ADGRF5: variants seen among roughly 807,000 people sequenced by gnomAD.
The protein encoded by ADGRF5 is G-protein coupled receptor 116.
Under a neutral mutation model 132.3 loss-of-function variants are expected in ADGRF5, and 75 were observed. That is an observed-to-expected ratio of 0.57 (90% CI 0.47 to 0.69). ADGRF5 has a LOEUF of 0.69. Among genes scored for constraint, ADGRF5 ranks in the 30% least tolerant of loss-of-function variants. ADGRF5 has a pLI of 0.00. For synonymous variants in ADGRF5, 629 were observed against 597.6 expected (o/e 1.05, Z -0.77); for missense variants, 1,516 against 1,630.6 (o/e 0.93, Z 1.21).
intron 1 of ADGRF5, among the ~76,000 whole-genome samples, chr6:46,912,863 C>T (rs1012844556): frequency 6.6e-6 from 1 of 152,094 alleles, no homozygotes; most frequent in African/African-American, 2.4e-5. Flanking sequence ...AAAAAAAATG[C>T]AAGTTAGCTC....
chr6:46,936,009 T>G (rs1202833013), intron 1 of ADGRF5, among the ~76,000 whole-genome samples: 1 of 152,236 alleles, frequency 6.6e-6, no homozygotes. Context: ...GCAGAGCAAC[T>G]GCAGCAGTTT....
At chr6:46,889,963 C>T (rs1215092415) in intron 3 of ADGRF5, among the ~76,000 whole-genome samples, 1 of 151,934 alleles carries the variant, frequency 6.6e-6, no homozygotes, top group African/African-American at 2.4e-5. Flanking sequence ...CTTGTTAAAC[C>T]TGAAACTCTC....
Position 46,866,939 on chromosome 6 carries a change from G to A in ADGRF5, c.1820C>T (p.Ser607Leu). 1 of 1,603,328 alleles carries A rather than the reference G, an allele frequency of 6.2e-7. No homozygotes were observed. Among genetic ancestry groups the A allele is most frequent in the Non-Finnish European group, 8.5e-7 (1 of 1,170,090 alleles). ...DYKVTFHTGS[S>L]SLPAAKEVNK... ...CAGCATCTTACCAGCAGGAAGGGAT[G>A]AGGAACCCGTATGGAAAGTAACTTT... Residue 607 changes from serine to leucine, a missense_variant, in exon 13 of 21, where the codon TCA (serine) becomes TTA (leucine). Ser to Leu is a moderately radical substitution (Grantham distance 145). This residue lies in a region of ADGRF5 where 945 missense variants were observed against 929.4 expected (regional missense o/e 1.02). Coordinates refer to ENST00000283296, the MANE Select transcript of ADGRF5 (RefSeq NM_001098518.2).
intron 1 of ADGRF5, among the ~76,000 whole-genome samples, chr6:46,921,276 C>T (rs1307391152): frequency 6.6e-6 from 1 of 152,250 alleles, no homozygotes; most frequent in Non-Finnish European, 1.5e-5. Flanking sequence ...CCTCCTCCTG[C>T]TACTGGGATG....
At position 46,879,815 on chromosome 6, in the gene ADGRF5, T is replaced by A. The variant is rs762866775; in HGVS notation, c.1036+3A>T. On this transcript the variant is annotated splice_donor_region_variant and intron_variant, in intron 9 of 20. Coordinates refer to ENST00000283296, the MANE Select transcript of ADGRF5 (RefSeq NM_001098518.2). ...TCACACAAGTTACTGAATGGAGACC[T>A]ACCTGCATCACCTGGAGTGATGTTG... The A allele has an allele frequency of 8.8e-6, 14 of 1,592,852 alleles. No individual in the cohort carries two copies. The South Asian group carries it at 1.4e-4, about 16-fold the overall frequency.
At chr6:46,953,004 A>C (rs1318770474) in intron 1 of ADGRF5, among the ~76,000 whole-genome samples, 2 of 152,204 alleles carry the variant, frequency 1.3e-5, no homozygotes, top group African/African-American at 4.8e-5. Flanking sequence ...AGGACAGCAC[A>C]CACAGAAATA....
Position 46,869,122 on chromosome 6 carries a change from A to G in ADGRF5, c.1412-30T>C, listed in dbSNP as rs760416254. ...AAAAAAGGCAAACAAAACAGACAAAAGAAAACTGACAAGTTCAATGTGTAG... is the reference window on the plus strand; with the variant it reads ...AAAAAAGGCAAACAAAACAGACAAAGGAAAACTGACAAGTTCAATGTGTAG... On this transcript the variant is annotated intron_variant, in intron 11 of 20. Coordinates refer to ENST00000283296, the MANE Select transcript of ADGRF5 (RefSeq NM_001098518.2). The G allele has an allele frequency of 9.4e-6, 15 of 1,601,360 alleles. No individual in the cohort carries two copies. In the African/African-American group the frequency reaches 2.0e-4, roughly 21 times the overall value.
chr6:46,926,877 T>G (rs1444001389), upstream of ADGRF5, among the ~76,000 whole-genome samples: 1 of 152,192 alleles, frequency 6.6e-6, no homozygotes, highest in Non-Finnish European at 1.5e-5. Context: ...TTCCTCTCAA[T>G]GTACACATGT....
chr6:46,921,544 C>A (rs2150926212), intron 1 of ADGRF5, among the ~76,000 whole-genome samples, 169 bp downstream of exon 1: 1 of 152,296 alleles, frequency 6.6e-6, no homozygotes, highest in Non-Finnish European at 1.5e-5. Context: ...ATGCTCTTGA[C>A]TGGACATACT....
In ADGRF5 at chr6:46,915,757, C is replaced by T. The variant is rs12529794; in HGVS notation, c.-25+5956G>A. Among the ~76,000 whole-genome samples the T allele has an allele frequency of 4.3e-3, 648 of 151,244 alleles. 24 individuals are homozygous for T. In the East Asian group the frequency reaches 0.082, roughly 19 times the overall value. On this transcript the variant is annotated intron_variant, in intron 1 of 20. Transcript: ENST00000283296. Reference sequence around the variant, plus strand: ...CCCCCACCCCCAACCCCAAGAAATACAGTACCCTGAAAAGTCCTTGCTAGT... The same window carrying T: ...CCCCCACCCCCAACCCCAAGAAATATAGTACCCTGAAAAGTCCTTGCTAGT...
intron 3 of ADGRF5, among the ~76,000 whole-genome samples, chr6:46,891,401 C>T (rs220708): frequency 0.35 from 52,990 of 152,090 alleles, 11,379 homozygotes; most frequent in East Asian, 0.52. Context: ...TCTGCCTTAG[C>T]GCACATTCTT....
upstream of ADGRF5, among the ~76,000 whole-genome samples, chr6:46,926,350 A>G (rs1195330980): frequency 1.9e-4 from 29 of 152,086 alleles, no homozygotes; most frequent in Admixed American, 1.9e-3. Context: ...AGCACTTGTT[A>G]TGACTCCAGT....
At chr6:46,919,560 T>C (rs981833678) in intron 1 of ADGRF5, among the ~76,000 whole-genome samples, 1 of 152,150 alleles carries the variant, frequency 6.6e-6, no homozygotes, top group Non-Finnish European at 1.5e-5. Context: ...AAGTACCCCA[T>C]AGCGCAGTAA....
At position 46,883,597 on chromosome 6, in the gene ADGRF5, C is replaced by A. The variant is rs149197213; in HGVS notation, c.574G>T (p.Ala192Ser). The change falls in exon 6 of 21, where the codon GCC becomes TCC. Residue 192 changes from alanine to serine, a missense_variant. By Grantham distance (99) the Ala-to-Ser change is moderately conservative. Transcript: ENST00000283296. ...TCGGTCTTGTAGGACCTATAGAGGG[C>A]GGAGGAAGTGTTCATGAGGTCTTCT... The part of the protein sequence containing the change: ...FQEDLMNTSS[A>S]LYRSYKTDLE... 6 of 1,608,652 alleles carry A rather than the reference C, an allele frequency of 3.7e-6. No homozygotes were observed. Among genetic ancestry groups the A allele is most frequent in the Non-Finnish European group, 4.2e-6 (5 of 1,177,808 alleles).
intron 4 of ADGRF5, 124 bp from the exon 5 acceptor site, chr6:46,884,395 A>C: frequency 2.7e-6 from 2 of 728,956 alleles, no homozygotes; most frequent in East Asian, 5.1e-5. Flanking sequence ...TACCTTTCTG[A>C]GAAGTTCAAT....
intron 20 of ADGRF5, among the ~76,000 whole-genome samples, chr6:46,854,394 T>C (rs542075170): frequency 1.3e-5 from 2 of 152,272 alleles, no homozygotes; most frequent in African/African-American, 4.8e-5. Context: ...TGGGAACATC[T>C]GCATGAGGGA....
intron 15 of ADGRF5, among the ~76,000 whole-genome samples, chr6:46,862,641 A>G (rs1311084802): frequency 7.0e-6 from 1 of 141,850 alleles, no homozygotes; most frequent in Non-Finnish European, 1.5e-5. Context: ...AGTCAAGGTT[A>G]AGGTATCTAG....
Position 46,858,374 on chromosome 6 carries a change from T to C in ADGRF5, c.3529A>G (p.Ile1177Val), listed in dbSNP as rs1207441487. The change falls in exon 17 of 21, where the codon ATC becomes GTC. Residue 1177 changes from isoleucine (I) to valine (V), a missense_variant. By Grantham distance (29) the Ile-to-Val change is conservative. Coordinates refer to ENST00000283296, the MANE Select transcript of ADGRF5 (RefSeq NM_001098518.2). Reference sequence around the variant, plus strand: ...ACCACCACAATGATCAGTGCTGGGATGGCGAAAGCCAGCAGGGCCTTGGTG... The same window carrying C: ...ACCACCACAATGATCAGTGCTGGGACGGCGAAAGCCAGCAGGGCCTTGGTG... ...EDTKALLAFA[I>V]PALIIVVVNI... 4 of 1,614,030 alleles carry C rather than the reference T, an allele frequency of 2.5e-6. No homozygotes were observed. The highest frequency in any genetic ancestry group is 2.5e-6 in the Non-Finnish European group (3 of 1,179,934).
chr6:46,931,884 C>T (rs1442881516), intron 1 of ADGRF5, among the ~76,000 whole-genome samples: 1 of 152,098 alleles, frequency 6.6e-6, no homozygotes, highest in African/African-American at 2.4e-5. Context: ...CTTGCCATTG[C>T]GCTCCAGCCT....
Sources: allele counts gnomAD v4.1 joint callset (sites outside exome capture counted in the v4.1 genomes callset), GRCh38; gene constraint gnomAD v4.1.1; regional missense constraint gnomAD v4.1.1; transcripts MANE v1.5; gene names NCBI Gene and HGNC (gene_info 2026-07-23, HGNC 2026-07-21).